The following CACNB2 variants were observed in gnomAD, a reference collection of about 807,000 sequenced individuals.
CACNB2 encodes voltage-dependent L-type calcium channel subunit beta-2.
CACNB2 carries 42 observed loss-of-function variants against 73.3 expected under a neutral mutation model. That is an observed-to-expected ratio of 0.57 (90% CI 0.45 to 0.74). CACNB2 has a LOEUF of 0.74. Ranked by LOEUF, CACNB2 falls within the 30% of genes least tolerant of loss-of-function variation. The pLI, the probability that CACNB2 is intolerant of heterozygous loss-of-function variation, is 0.00. For missense variants in CACNB2, 940 were observed against 853.0 expected, an observed-to-expected ratio of 1.10 and a Z score of -1.27; for synonymous variants, 348 against 310.3, an observed-to-expected ratio of 1.12 and a Z score of -1.28.
chr10:18,358,233 C>T (rs765199314), intron 2 of CACNB2, among the ~76,000 whole-genome samples: 1 of 152,120 alleles, frequency 6.6e-6, no homozygotes, highest in Non-Finnish European at 1.5e-5. Context: ...ACCACAGACA[C>T]GCGCTACCAC....
intron 2 of CACNB2, among the ~76,000 whole-genome samples, chr10:18,178,237 T>C (rs140165315): frequency 6.6e-6 from 1 of 152,286 alleles, no homozygotes; most frequent in East Asian, 1.9e-4. Context: ...ACCGTTGAAA[T>C]GAGCCTTTTC....
At chr10:18,306,481 G>A (rs2039732577) in intron 2 of CACNB2, among the ~76,000 whole-genome samples, 1 of 152,130 alleles carries the variant, frequency 6.6e-6, no homozygotes, top group Non-Finnish European at 1.5e-5. Flanking sequence ...CATCAGCCTT[G>A]TTGCAGTAGA....
chr10:18,527,843 C>G (rs543806616), intron 10 of CACNB2, 146 bp downstream of exon 10: 3 of 687,622 alleles, frequency 4.4e-6, no homozygotes, highest in Non-Finnish European at 7.9e-6. Flanking sequence ...TATGGTCTTA[C>G]TGATTTCATG....
At chr10:18,154,206 T>C (rs910337299) in intron 2 of CACNB2, among the ~76,000 whole-genome samples, 1 of 152,052 alleles carries the variant, frequency 6.6e-6, no homozygotes, top group African/African-American at 2.4e-5. Flanking sequence ...GGTATACTTT[T>C]AGGTAGTCTT....
chr10:18,150,879 T>TTTTTTTTTTTTTTTTG lies in CACNB2; in HGVS notation c.121-3_121-2insTTTTTTTTTTTTTTGT, dbSNP rs769211879. 1.9e-4 allele frequency: 245 copies of TTTTTTTTTTTTTTTTG among 1,259,726 alleles called. 16 individuals carry two copies. Among genetic ancestry groups the TTTTTTTTTTTTTTTTG allele is most frequent in the African/African-American group, 4.4e-4 (26 of 59,520 alleles). 78.0% of individuals were successfully genotyped at this position (1,259,726 alleles called of 1,614,324 possible). ...TCTTTTTTTTTTTTTTTTTTTTTTT[T>TTTTTTTTTTTTTTTTG]TAGTCATATGGAAAAGGAGCCAGAA... is the stretch of plus-strand genomic sequence containing the variant. On this transcript the variant is annotated splice_polypyrimidine_tract_variant and splice_region_variant and intron_variant, in intron 1 of 13. Transcript: ENST00000324631.
At chr10:18,152,142 G>A (rs950899232) in intron 2 of CACNB2, among the ~76,000 whole-genome samples, 2 of 152,090 alleles carry the variant, frequency 1.3e-5, no homozygotes, top group Admixed American at 1.3e-4. Context: ...CTGCAGCATC[G>A]GTGGGGATTT....
At chr10:18,285,115 C>T (rs546608841) in intron 2 of CACNB2, among the ~76,000 whole-genome samples, 2 of 152,280 alleles carry the variant, frequency 1.3e-5, no homozygotes, top group East Asian at 3.9e-4. Context: ...GGTAGTCTTA[C>T]AGATGTGGCA....
At chr10:18,266,280 T>C (rs757496282) in intron 2 of CACNB2, among the ~76,000 whole-genome samples, 2 of 152,036 alleles carry the variant, frequency 1.3e-5, no homozygotes, top group Non-Finnish European at 2.9e-5. Context: ...GGCCACAGAG[T>C]CTGAGGATGG....
intron 3 of CACNB2, among the ~76,000 whole-genome samples, chr10:18,415,730 C>T (rs1024920120): frequency 6.6e-5 from 10 of 152,172 alleles, no homozygotes; most frequent in African/African-American, 2.4e-4. Context: ...CATTTTAAAT[C>T]TCAATTCGCA....
intron 2 of CACNB2, among the ~76,000 whole-genome samples, chr10:18,196,100 C>T (rs2034609732): frequency 1.3e-5 from 2 of 152,178 alleles, no homozygotes; most frequent in African/African-American, 4.8e-5. Context: ...CACAACGTAT[C>T]CCTGCCAAAA....
At chr10:18,340,764 AC>A (rs1445154162) in intron 2 of CACNB2, 1 of 1,532,672 alleles carries the variant, frequency 6.5e-7, no homozygotes, top group African/African-American at 1.4e-5. Flanking sequence ...TTAGAAAGTC[AC>A]ACTAACTAAG....
chr10:18,274,326 C>A (rs2038185086), intron 2 of CACNB2, among the ~76,000 whole-genome samples: 1 of 152,190 alleles, frequency 6.6e-6, no homozygotes, highest in African/African-American at 2.4e-5. Context: ...CACCCCTCAG[C>A]ACCATTTTTA....
Position 18,532,676 on chromosome 10 carries a change from C to CAAA in CACNB2, c.1055-1382_1055-1380dup, listed in dbSNP as rs1219587375. 5.9e-3 allele frequency among the ~76,000 whole-genome samples: 543 copies of CAAA among 92,408 alleles called. 19 individuals carry two copies. The highest frequency in any genetic ancestry group is 7.3e-3 in the Non-Finnish European group (336 of 46,296). 60.6% of individuals were successfully genotyped at this position (92,408 alleles called of 152,430 possible). ...TGGGAGACAGAGAGAGACTCTGTCT[C>CAAA]AAAAAAAAAAAAAAAAAAAACAAAA... On this transcript the variant is annotated intron_variant, in intron 10 of 13. Coordinates refer to ENST00000324631, the MANE Select transcript of CACNB2 (RefSeq NM_201596.3).
chr10:18,220,318 G>T (rs1430075370), intron 2 of CACNB2, among the ~76,000 whole-genome samples: 3 of 143,950 alleles, frequency 2.1e-5, no homozygotes, highest in African/African-American at 5.1e-5. Flanking sequence ...GGAGTGCAGT[G>T]GTGTGATCTC....
At chr10:18,197,878 T>C (rs972673051) in intron 2 of CACNB2, among the ~76,000 whole-genome samples, 3 of 149,832 alleles carry the variant, frequency 2.0e-5, no homozygotes, top group Non-Finnish European at 4.4e-5. Flanking sequence ...TTTGCATATA[T>C]TAACATGTTA....
At chr10:18,498,166 T>C (rs1435674269) in intron 3 of CACNB2, among the ~76,000 whole-genome samples, 189 bp from the exon 4 acceptor site, 2 of 152,250 alleles carry the variant, frequency 1.3e-5, no homozygotes, top group Admixed American at 1.3e-4. Context: ...ATGGGTGTTA[T>C]GTAGCTCACA....
chr10:18,246,983 GAAA>G (rs2036888492), intron 2 of CACNB2, among the ~76,000 whole-genome samples: 1 of 152,090 alleles, frequency 6.6e-6, no homozygotes, highest in Non-Finnish European at 1.5e-5. Context: ...CATACCCCGT[GAAA>G]CCTCATTTCC....
intron 2 of CACNB2, among the ~76,000 whole-genome samples, chr10:18,310,096 A>G (rs1220292846): frequency 6.6e-6 from 1 of 152,014 alleles, no homozygotes; most frequent in Non-Finnish European, 1.5e-5. Flanking sequence ...GGTCTCAAAT[A>G]GATTTTTTTT....
intron 2 of CACNB2, among the ~76,000 whole-genome samples, chr10:18,195,090 G>A (rs1482153205): frequency 6.6e-6 from 1 of 152,148 alleles, no homozygotes; most frequent in Non-Finnish European, 1.5e-5. Flanking sequence ...TAAATATCCA[G>A]CTACTGCAAA....
Sources: gnomAD v4.1 joint callset for allele counts (sites outside exome capture counted in the v4.1 genomes callset) on GRCh38, gnomAD v4.1.1 for gene constraint, MANE v1.5 for transcripts, NCBI Gene and HGNC (gene_info 2026-07-23, HGNC 2026-07-21) for gene names.